The following CFAP47 variants were observed in gnomAD, a reference collection of about 807,000 sequenced individuals.
CFAP47 encodes the protein cilia and flagella associated protein 47.
In CFAP47, 29 loss-of-function variants were observed where a neutral mutation model predicts 148.1. That is an observed-to-expected ratio of 0.20 (90% CI 0.15 to 0.27). The LOEUF is 0.27. Among genes scored for constraint, CFAP47 ranks in the 10% least tolerant of loss-of-function variants. The probability of loss-of-function intolerance (pLI) is 1.00; values close to 1 mark genes in which losing one functional copy is unlikely to be tolerated. For missense variants in CFAP47, 1,872 were observed against 1,697.5 expected (o/e 1.10, Z -1.81); for synonymous variants, 664 against 577.3 (o/e 1.15, Z -2.15).
intron 26 of CFAP47, among the ~76,000 whole-genome samples, chrX:36,057,193 G>A (rs1453621838): frequency 1.8e-5 from 2 of 111,279 alleles, no homozygotes; most frequent in Non-Finnish European, 3.8e-5. Flanking sequence ...CATGCTGTAT[G>A]CTTATCTTTG....
Position 35,991,840 on chromosome X carries a change from T to C in CFAP47, c.2864T>C (p.Leu955Ser), listed in dbSNP as rs780072607. Residue 955 changes from leucine (L) to serine (S), a missense_variant, in exon 17 of 64, where the codon TTA becomes TCA. Leu to Ser is a moderately radical substitution (Grantham distance 145). Transcript: ENST00000378653. ...CVAHLGRTKV[L>S]LLQPRILFSN... ...TATTAGCTTGGTCGCACCAAGGTTT[T>C]ACTTTTGCAGCCAAGGATACTCTTT... 2.8e-4 allele frequency: 82 copies of C among 294,698 alleles called. 1 individual carries two copies. Among genetic ancestry groups the C allele is most frequent in the South Asian group, 8.2e-4 (4 of 4,867 alleles). The allele number at this position is 294,698 out of a possible 1,213,427, so 24.3% of individuals were successfully genotyped here.
intron 57 of CFAP47, among the ~76,000 whole-genome samples, chrX:36,339,004 G>A (rs1199050282): frequency 8.9e-6 from 1 of 111,861 alleles, no homozygotes; most frequent in East Asian, 2.8e-4. Context: ...ACACATTCTG[G>A]AATCTCTGAC....
At chrX:35,975,994 G>T in intron 15 of CFAP47, 81 bp downstream of exon 15, 1 of 944,793 alleles carries the variant, frequency 1.1e-6, no homozygotes, top group Admixed American at 2.3e-5. Context: ...TTTATTGAGT[G>T]TGTACTGTGT....
intron 58 of CFAP47, among the ~76,000 whole-genome samples, chrX:36,349,755 T>G (rs1941727247): frequency 1.8e-5 from 2 of 111,648 alleles, no homozygotes; most frequent in Non-Finnish European, 3.8e-5. Context: ...CCAAGAGGGC[T>G]ATAGTACCTC....
At chrX:36,096,314 A>G (rs193290395) in intron 30 of CFAP47, among the ~76,000 whole-genome samples, 43 of 111,542 alleles carry the variant, frequency 3.9e-4, no homozygotes, top group Non-Finnish European at 6.2e-4. Context: ...GGAAAACAGT[A>G]GGTATTCCAT....
At chrX:36,011,964 C>G (rs181496758) in intron 21 of CFAP47, among the ~76,000 whole-genome samples, 1 of 111,597 alleles carries the variant, frequency 9.0e-6, no homozygotes, top group Non-Finnish European at 1.9e-5. Context: ...AGGTTTTCTT[C>G]TAGGGTTTTT....
intron 26 of CFAP47, among the ~76,000 whole-genome samples, chrX:36,061,265 G>A (rs1412816352): frequency 9.0e-6 from 1 of 111,555 alleles, no homozygotes; most frequent in East Asian, 2.8e-4. Flanking sequence ...CCTGTACAGC[G>A]TGCAGAACTG....
chrX:36,221,921 A>G (rs1335963109), intron 45 of CFAP47, among the ~76,000 whole-genome samples: 1 of 111,692 alleles, frequency 9.0e-6, no homozygotes, highest in African/African-American at 3.2e-5. Context: ...TCAAGCAGAC[A>G]GAAGGTTAAT....
chrX:35,935,421 T>C (rs987592197), intron 2 of CFAP47, among the ~76,000 whole-genome samples: 2 of 111,558 alleles, frequency 1.8e-5, no homozygotes, highest in Admixed American at 1.9e-4. Context: ...TCTCTCTCCA[T>C]GCCATGCTGC....
intron 32 of CFAP47, among the ~76,000 whole-genome samples, chrX:36,101,884 T>C (rs1255932015): frequency 6.3e-5 from 7 of 111,588 alleles, no homozygotes; most frequent in Non-Finnish European, 9.4e-5. Context: ...ATTTAAAAAG[T>C]TGTCATTAAT....
rs1235891560 is a variant in CFAP47 at position 36,282,983 on chromosome X, G to A, written c.7588+2353G>A. 4.5e-5 allele frequency among the ~76,000 whole-genome samples: 5 copies of A among 111,187 alleles called. No individual in the cohort carries two copies. The East Asian group carries it at 1.4e-3, about 32-fold the overall frequency. On this transcript the variant is annotated intron_variant, in intron 50 of 63. Transcript: ENST00000378653. ...ATTGAAACTAAAGTTTTAATAGTGAGTATTTTCTGAATAATATAAATGTGT... is the reference window on the plus strand; with the variant it reads ...ATTGAAACTAAAGTTTTAATAGTGAATATTTTCTGAATAATATAAATGTGT...
chrX:36,098,112 A>G (rs949984047), intron 30 of CFAP47, among the ~76,000 whole-genome samples: 1 of 112,095 alleles, frequency 8.9e-6, no homozygotes, highest in African/African-American at 3.2e-5. Context: ...ATTCTTTAGT[A>G]TGCCAATTAC....
At chrX:36,326,862 C>T (rs994802666) in intron 57 of CFAP47, among the ~76,000 whole-genome samples, 1 of 111,037 alleles carries the variant, frequency 9.0e-6, no homozygotes, top group Admixed American at 9.6e-5. Context: ...GGGGGAAGGA[C>T]ACTCTCTTCT....
At chrX:36,178,737 C>T (rs1411540438) in intron 39 of CFAP47, among the ~76,000 whole-genome samples, 1 of 111,762 alleles carries the variant, frequency 8.9e-6, no homozygotes, top group Non-Finnish European at 1.9e-5. Context: ...GCTATTCCTA[C>T]CCTATGATGT....
At chrX:35,937,013 G>A (rs770961818) in intron 2 of CFAP47, among the ~76,000 whole-genome samples, 7 of 107,526 alleles carry the variant, frequency 6.5e-5, no homozygotes, top group Non-Finnish European at 1.1e-4. Flanking sequence ...TGCAAGTCCC[G>A]CTTACCTTTC....
chrX:36,101,100 G>A (rs1938368700), intron 32 of CFAP47, among the ~76,000 whole-genome samples: 1 of 111,280 alleles, frequency 9.0e-6, no homozygotes, highest in African/African-American at 3.3e-5. Context: ...TGTAAGAAGA[G>A]TATTCTTGTG....
chrX:35,998,519 A>G (rs1936875340), intron 19 of CFAP47, among the ~76,000 whole-genome samples: 1 of 111,530 alleles, frequency 9.0e-6, no homozygotes, highest in Non-Finnish European at 1.9e-5. Flanking sequence ...TCCCACTAGT[A>G]CTGTTAACAT....
chrX:36,221,520 A>C (rs1396186346), intron 45 of CFAP47, among the ~76,000 whole-genome samples: 2 of 111,758 alleles, frequency 1.8e-5, no homozygotes, highest in Non-Finnish European at 3.8e-5. Flanking sequence ...AGATGTTAAA[A>C]TAAACACAAA....
intron 49 of CFAP47, among the ~76,000 whole-genome samples, chrX:36,261,581 G>A (rs1266759360): frequency 9.3e-6 from 1 of 108,030 alleles, no homozygotes; most frequent in Non-Finnish European, 1.9e-5. Context: ...ATCTTGCACC[G>A]CCCTTAATCC....
Sources: gnomAD v4.1 joint callset for allele counts (sites outside exome capture counted in the v4.1 genomes callset) on GRCh38, gnomAD v4.1.1 for gene constraint, MANE v1.5 for transcripts, NCBI Gene and HGNC (gene_info 2026-07-23, HGNC 2026-07-21) for gene names.